GRID2: variants seen among roughly 807,000 people sequenced by gnomAD.
GRID2 encodes the protein glutamate receptor ionotropic, delta-2.
In GRID2, 33 loss-of-function variants were observed where a neutral mutation model predicts 114.8. The observed-to-expected ratio is 0.29, with a 90% CI of 0.22 to 0.38. The LOEUF is 0.38. Ranked by LOEUF, GRID2 falls within the 10% of genes least tolerant of loss-of-function variation. GRID2 has a pLI of 1.00. For missense variants in GRID2, 1,184 were observed against 1,257.7 expected, an observed-to-expected ratio of 0.94 and a Z score of 0.89; for synonymous variants, 505 against 449.9, an observed-to-expected ratio of 1.12 and a Z score of -1.55.
intron 2 of GRID2, among the ~76,000 whole-genome samples, chr4:92,849,736 T>G (rs1258186834): frequency 6.6e-6 from 1 of 151,820 alleles, no homozygotes; most frequent in East Asian, 1.9e-4. Context: ...CCTTAATTTA[T>G]TATTTATTAT....
At chr4:93,397,666 G>A (rs527277253) in intron 9 of GRID2, among the ~76,000 whole-genome samples, 2 of 151,918 alleles carry the variant, frequency 1.3e-5, no homozygotes, top group African/African-American at 2.4e-5. Flanking sequence ...GATTAAATAT[G>A]GTTGACCCTT....
At chr4:93,255,227 A>C (rs530271456) in intron 8 of GRID2, among the ~76,000 whole-genome samples, 1 of 152,266 alleles carries the variant, frequency 6.6e-6, no homozygotes, top group South Asian at 2.1e-4. Context: ...CCATACATTA[A>C]GAAAAAAATT....
chr4:92,550,270 G>A (rs758744185), intron 1 of GRID2, among the ~76,000 whole-genome samples: 1 of 152,012 alleles, frequency 6.6e-6, no homozygotes, highest in African/African-American at 2.4e-5. Context: ...TTTGTTTGTA[G>A]AGTATTTATT....
chr4:93,051,105 A>G (rs192765445), intron 2 of GRID2, among the ~76,000 whole-genome samples: 1 of 152,160 alleles, frequency 6.6e-6, no homozygotes, highest in East Asian at 1.9e-4. Flanking sequence ...ATGTTTGAGG[A>G]TCTTAATTTG....
chr4:92,752,656 A>T (rs1737509094), intron 2 of GRID2, among the ~76,000 whole-genome samples: 1 of 152,192 alleles, frequency 6.6e-6, no homozygotes. Context: ...AATAGTACAG[A>T]TCGTAATATG....
At chr4:93,086,034 G>A (rs973805140) in intron 3 of GRID2, among the ~76,000 whole-genome samples, 1 of 151,684 alleles carries the variant, frequency 6.6e-6, no homozygotes, top group Non-Finnish European at 1.5e-5. Flanking sequence ...CTAACTGACC[G>A]ATCCCCAATA....
At chr4:92,455,774 G>A (rs769377989) in intron 1 of GRID2, among the ~76,000 whole-genome samples, 4 of 152,116 alleles carry the variant, frequency 2.6e-5, no homozygotes, top group Non-Finnish European at 4.4e-5. Flanking sequence ...GATGAATTTT[G>A]TTATGCTTGT....
intron 4 of GRID2, among the ~76,000 whole-genome samples, chr4:93,133,042 T>G (rs1376622069): frequency 2.6e-5 from 4 of 152,194 alleles, no homozygotes; most frequent in Admixed American, 2.0e-4. Flanking sequence ...ACCTGGACTT[T>G]CCATGAGACA....
intron 10 of GRID2, among the ~76,000 whole-genome samples, chr4:93,453,235 C>T (rs1722866149): frequency 6.6e-6 from 1 of 151,058 alleles, no homozygotes; most frequent in Admixed American, 6.6e-5. Context: ...TTATCCATTA[C>T]AGTGTTCTGC....
intron 2 of GRID2, among the ~76,000 whole-genome samples, chr4:92,709,445 A>C (rs1735114387): frequency 6.6e-6 from 1 of 151,770 alleles, no homozygotes; most frequent in Non-Finnish European, 1.5e-5. Flanking sequence ...CGCTATTCGC[A>C]GTTTGTTGCA....
intron 2 of GRID2, among the ~76,000 whole-genome samples, chr4:92,801,829 TCTTATC>T (rs1740187347): frequency 6.6e-6 from 1 of 151,890 alleles, no homozygotes; most frequent in Non-Finnish European, 1.5e-5. Context: ...TTGGACTTTT[TCTTATC>T]CTTATTTTAT....
intron 2 of GRID2, among the ~76,000 whole-genome samples, chr4:92,896,630 A>C (rs1747184418): frequency 6.6e-6 from 1 of 151,958 alleles, no homozygotes; most frequent in Admixed American, 6.6e-5. Flanking sequence ...TAACTGCTAC[A>C]TTGAATTCAT....
intron 2 of GRID2, among the ~76,000 whole-genome samples, chr4:93,004,941 G>GT (rs980745579): frequency 2.0e-5 from 3 of 151,844 alleles, no homozygotes; most frequent in Admixed American, 6.6e-5. Flanking sequence ...CTTTGTCTTT[G>GT]TTTTTTCTGT....
At chr4:92,915,087 A>C (rs1748679136) in intron 2 of GRID2, among the ~76,000 whole-genome samples, 1 of 152,136 alleles carries the variant, frequency 6.6e-6, no homozygotes, top group South Asian at 2.1e-4. Context: ...CCTCTTCGCA[A>C]GGTGGCAGGA....
chr4:93,232,497 C>T (rs931230608), intron 7 of GRID2, among the ~76,000 whole-genome samples: 1 of 148,730 alleles, frequency 6.7e-6, no homozygotes, highest in Non-Finnish European at 1.5e-5. Flanking sequence ...TTGAGCCCAA[C>T]ATATATCAAT....
At chr4:93,343,743 C>G (rs993334819) in intron 8 of GRID2, among the ~76,000 whole-genome samples, 9 of 151,960 alleles carry the variant, frequency 5.9e-5, no homozygotes, top group Non-Finnish European at 7.4e-5. Flanking sequence ...AAAGCTCTAC[C>G]TCATCTTGAA....
chr4:93,236,284 T>A (rs1163094850), intron 7 of GRID2, among the ~76,000 whole-genome samples: 1 of 151,930 alleles, frequency 6.6e-6, no homozygotes, highest in East Asian at 1.9e-4. Context: ...ATTGCCCTTA[T>A]CAAAAATACA....
chr4:92,356,956 T>A (rs186361363), intron 1 of GRID2, among the ~76,000 whole-genome samples: 84 of 151,950 alleles, frequency 5.5e-4, no homozygotes, highest in African/African-American at 1.9e-3. Flanking sequence ...CCATATTCTT[T>A]TCTTTAACCA....
At chr4:92,834,600 C>CATA (rs779928309) in intron 2 of GRID2, among the ~76,000 whole-genome samples, 1 of 152,102 alleles carries the variant, frequency 6.6e-6, no homozygotes, top group African/African-American at 2.4e-5. Context: ...ACAGTTTATA[C>CATA]CCTCAAGCAG....
Sources: allele counts gnomAD v4.1 joint callset (sites outside exome capture counted in the v4.1 genomes callset), GRCh38; gene constraint gnomAD v4.1.1; transcripts MANE v1.5; gene names NCBI Gene and HGNC (gene_info 2026-07-23, HGNC 2026-07-21).